Variants in PREX1 observed in about 807,000 individuals in gnomAD.
PREX1 encodes the protein phosphatidylinositol-3,4,5-trisphosphate dependent Rac exchange factor 1.
PREX1 carries 41 observed loss-of-function variants against 198.3 expected under a neutral mutation model. The ratio of observed to expected loss-of-function variants is 0.21; its 90% CI spans 0.16 to 0.27. The LOEUF (loss-of-function observed/expected upper bound fraction) is 0.27. Ranked by LOEUF, PREX1 falls within the 10% of genes least tolerant of loss-of-function variation. The pLI is 1.00. For missense variants in PREX1, 1,620 were observed against 2,200.7 expected, an observed-to-expected ratio of 0.74 and a Z score of 5.28; for synonymous variants, 843 against 887.2, an observed-to-expected ratio of 0.95 and a Z score of 0.89.
intron 39 of PREX1, 33 bp downstream of exon 39, chr20:48,627,515 G>A (rs1601023435): frequency 1.1e-5 from 18 of 1,612,242 alleles, no homozygotes; most frequent in Non-Finnish European, 1.4e-5. Context: ...AGCTGGGAGT[G>A]GACAGGAAGG....
intron 1 of PREX1, among the ~76,000 whole-genome samples, chr20:48,815,688 C>A (rs2090455679): frequency 6.6e-6 from 1 of 152,128 alleles, no homozygotes; most frequent in Non-Finnish European, 1.5e-5. Flanking sequence ...CTTCAACAAC[C>A]CAGTTGGCAA....
At chr20:48,657,350 A>G (rs1358561298) in intron 17 of PREX1, among the ~76,000 whole-genome samples, 162 bp from the exon 18 acceptor site, 1 of 152,194 alleles carries the variant, frequency 6.6e-6, no homozygotes, top group Non-Finnish European at 1.5e-5. Flanking sequence ...GAGGGGCACA[A>G]GGGACCTGGT....
upstream of PREX1, among the ~76,000 whole-genome samples, chr20:48,828,255 G>A (rs2090521264): frequency 6.6e-6 from 1 of 151,566 alleles, no homozygotes; most frequent in African/African-American, 2.4e-5. Flanking sequence ...GCCCCGCGGA[G>A]CCGGGAGTCC....
rs187289468 is a variant in PREX1 at position 48,813,834 on chromosome 20, A to G, written c.219+13808T>C. Among the ~76,000 whole-genome samples, 146 of 152,362 alleles carry G rather than the reference A, an allele frequency of 9.6e-4. 2 individuals are homozygous for G. The highest frequency in any genetic ancestry group is 3.3e-3 in the African/African-American group (137 of 41,584). On this transcript the variant is annotated intron_variant, in intron 1 of 39. Coordinates refer to ENST00000371941, the MANE Select transcript of PREX1 (RefSeq NM_020820.4). The stretch of plus-strand genomic sequence containing the variant: ...ATATGCAGCCAGGTATACACACAAA[A>G]TATCATTTTACCATACTGGGTTCCA...
intron 1 of PREX1, among the ~76,000 whole-genome samples, chr20:48,807,889 A>C (rs755442399): frequency 6.6e-6 from 1 of 152,278 alleles, no homozygotes; most frequent in Non-Finnish European, 1.5e-5. Flanking sequence ...AAATGAGGCT[A>C]GAGGGGTGTG....
chr20:48,750,106 T>C (rs1170913800), intron 1 of PREX1, among the ~76,000 whole-genome samples: 1 of 152,136 alleles, frequency 6.6e-6, no homozygotes, highest in Non-Finnish European at 1.5e-5. Context: ...TCAAGGGCTC[T>C]AGCCAAAACC....
intron 1 of PREX1, among the ~76,000 whole-genome samples, chr20:48,795,666 C>T (rs1033967573): frequency 1.4e-4 from 22 of 151,996 alleles, no homozygotes; most frequent in Non-Finnish European, 4.4e-5. Context: ...TGTATAAACT[C>T]CAGCAGAATC....
chr20:48,719,304 C>A (rs995019339), intron 5 of PREX1, among the ~76,000 whole-genome samples: 1 of 96,018 alleles, frequency 1.0e-5, no homozygotes, highest in African/African-American at 3.3e-5. Flanking sequence ...GATGGCAGGA[C>A]CCCCCCCCCA....
chr20:48,731,460 T>C (rs1012088341), intron 4 of PREX1, among the ~76,000 whole-genome samples: 1 of 152,238 alleles, frequency 6.6e-6, no homozygotes, highest in Non-Finnish European at 1.5e-5. Flanking sequence ...TCATGTCGGA[T>C]CTTTAGCCCG....
chr20:48,746,916 CAT>C (rs1478466908), intron 2 of PREX1, among the ~76,000 whole-genome samples: 4 of 147,438 alleles, frequency 2.7e-5, no homozygotes, highest in South Asian at 2.2e-4. Flanking sequence ...TGAATGCAGG[CAT>C]AGAGTTTAGA....
the PREX1 span, among the ~76,000 whole-genome samples, chr20:48,879,742 A>C: frequency 6.6e-6 from 1 of 152,202 alleles, no homozygotes; most frequent in East Asian, 1.9e-4. Context: ...TTCTGATCCT[A>C]AAAATGCCAG....
the PREX1 span, among the ~76,000 whole-genome samples, chr20:48,868,872 CT>C: frequency 0.014 from 2,046 of 151,362 alleles, 45 homozygotes; most frequent in African/African-American, 0.047. Context: ...CCTAAAGAAT[CT>C]TTTTTTTTCT....
At chr20:48,796,233 A>C (rs1180804302) in intron 1 of PREX1, among the ~76,000 whole-genome samples, 3 of 152,034 alleles carry the variant, frequency 2.0e-5, no homozygotes, top group African/African-American at 7.3e-5. Flanking sequence ...TGTCTGTCCC[A>C]CCATGATTTG....
At chr20:48,707,958 T>G (rs2089911025) in intron 6 of PREX1, among the ~76,000 whole-genome samples, 1 of 151,718 alleles carries the variant, frequency 6.6e-6, no homozygotes, top group East Asian at 1.9e-4. Flanking sequence ...TACCAGGCAA[T>G]GCATGAAAGA....
At chr20:48,840,472 G>T in the PREX1 span, among the ~76,000 whole-genome samples, 1 of 152,130 alleles carries the variant, frequency 6.6e-6, no homozygotes, top group Non-Finnish European at 1.5e-5. Context: ...GCATCTGTGA[G>T]CAAGCGTTTT....
chr20:48,876,286 G>C, the PREX1 span, among the ~76,000 whole-genome samples: 2 of 152,166 alleles, frequency 1.3e-5, no homozygotes, highest in East Asian at 3.8e-4. Flanking sequence ...CCAGCCTCAG[G>C]TGGGCAGGAC....
chr20:48,710,145 T>C (rs1568834642), intron 5 of PREX1, among the ~76,000 whole-genome samples: 1 of 152,056 alleles, frequency 6.6e-6, no homozygotes, highest in Non-Finnish European at 1.5e-5. Flanking sequence ...CAGCACCATA[T>C]CCTGAAAATG....
chr20:48,727,333 C>A lies in PREX1; in HGVS notation c.520-942G>T, dbSNP rs1339559290. 1.4e-4 allele frequency among the ~76,000 whole-genome samples: 21 copies of A among 152,144 alleles called. 1 individual carries two copies. The highest frequency in any genetic ancestry group is 1.4e-3 in the Admixed American group (21 of 15,278). On this transcript the variant is annotated intron_variant, in intron 4 of 39. Transcript: ENST00000371941. ...CCGTTACCCTAACTCCCACGCTCAG[C>A]CCTAAGCTCCTGTCCACATGAATCA...
chr20:48,822,941 C>T (rs1050517746), intron 1 of PREX1, among the ~76,000 whole-genome samples: 1 of 152,146 alleles, frequency 6.6e-6, no homozygotes, highest in African/African-American at 2.4e-5. Context: ...CCCAACCACC[C>T]GTGGCATTTC....
Sources: allele counts gnomAD v4.1 joint callset (sites outside exome capture counted in the v4.1 genomes callset), GRCh38; gene constraint gnomAD v4.1.1; transcripts MANE v1.5; gene names NCBI Gene and HGNC (gene_info 2026-07-23, HGNC 2026-07-21).